SENP6: variants seen among roughly 807,000 people sequenced by gnomAD.
The protein encoded by SENP6 is SUMO specific peptidase 6.
In SENP6, 41 loss-of-function variants were observed where a neutral mutation model predicts 134.5. The observed-to-expected ratio is 0.30, with a 90% confidence interval of 0.24 to 0.40. SENP6 has a LOEUF of 0.40. SENP6 is among the 10% of genes least tolerant of loss of function. The pLI, the probability that SENP6 is intolerant of heterozygous loss-of-function variation, is 1.00. For synonymous variants in SENP6, 395 were observed against 429.8 expected (o/e 0.92, Z 1.00); for missense variants, 1,248 against 1,312.5 (o/e 0.95, Z 0.76).
At chr6:75,633,753 A>G (rs925670593) in intron 4 of SENP6, 27 bp downstream of exon 4, 1 of 1,565,478 alleles carries the variant, frequency 6.4e-7, no homozygotes, top group African/African-American at 1.4e-5. Context: ...ACACATTCCT[A>G]CAGAAAAGAT....
At chr6:75,635,313 A>ATT (rs1209595895) in intron 5 of SENP6, among the ~76,000 whole-genome samples, 1 of 152,178 alleles carries the variant, frequency 6.6e-6, no homozygotes, top group Admixed American at 6.6e-5. Context: ...TAATGAAAGT[A>ATT]ACATTTAGGG....
chr6:75,709,435 C>G, intron 19 of SENP6, 92 bp from the exon 20 acceptor site: 1 of 773,924 alleles, frequency 1.3e-6, no homozygotes, highest in Non-Finnish European at 2.1e-6. Context: ...ACTACTGTAT[C>G]ATTAATTAAC....
chr6:75,678,931 A>G lies in SENP6; in HGVS notation c.2075+4A>G. ...TTATTATAGACTTTTATTTGAAGTA[A>G]GTTAATTTTCCACTGATCTTTTATT... On this transcript the variant is annotated splice_donor_region_variant and intron_variant, in intron 16 of 23. Coordinates refer to ENST00000447266, the MANE Select transcript of SENP6 (RefSeq NM_015571.4). The G allele has an allele frequency of 7.8e-7, 1 of 1,286,746 alleles. No homozygotes were observed. Among genetic ancestry groups the G allele is most frequent in the Non-Finnish European group, 1.1e-6 (1 of 892,934 alleles). 79.7% of individuals were successfully genotyped at this position (1,286,746 alleles called of 1,614,324 possible).
At chr6:75,629,504 T>C (rs1204315045) in intron 3 of SENP6, among the ~76,000 whole-genome samples, 1 of 152,030 alleles carries the variant, frequency 6.6e-6, no homozygotes, top group East Asian at 1.9e-4. Context: ...TTCACCATGG[T>C]GGCCAGGCTG....
chr6:75,619,056 G>T, intron 1 of SENP6, among the ~76,000 whole-genome samples: 3 of 144,504 alleles, frequency 2.1e-5, no homozygotes. Context: ...TTTTTATTGT[G>T]GTATAATATA....
intron 14 of SENP6, 184 bp from the exon 15 acceptor site, chr6:75,678,399 A>C (rs1773236614): frequency 3.9e-6 from 2 of 518,556 alleles, no homozygotes; most frequent in East Asian, 7.1e-5. Flanking sequence ...GAAGCTACAG[A>C]TAATAAGAAA....
At position 75,634,883 on chromosome 6, in the gene SENP6, C is replaced by G. The variant is rs559499945; in HGVS notation, c.458+72C>G. The G allele has an allele frequency of 1.8e-5, 17 of 968,828 alleles. No homozygotes were observed. In the South Asian group the frequency reaches 2.3e-4, roughly 13 times the overall value. The allele number at this position is 968,828 out of a possible 1,614,324, so 60.0% of individuals were successfully genotyped here. A position where few individuals can be genotyped will look rare whatever the true frequency, so the allele number is the denominator to read the frequency against. ...TCAATAGGTTTTCACTTTTTTTAAC[C>G]ATTTTTTTCCTTTGTGAAACCTTAC... On this transcript the variant is annotated intron_variant, in intron 5 of 23. Transcript: ENST00000447266.
chr6:75,694,963 C>CTCAT (rs1244733837), intron 16 of SENP6, among the ~76,000 whole-genome samples: 1 of 151,896 alleles, frequency 6.6e-6, no homozygotes, highest in African/African-American at 2.4e-5. Context: ...CAACCTCTGC[C>CTCAT]TCATAGGTTC....
rs1461999654 is a variant in SENP6 at position 75,602,620 on chromosome 6, T to G, written c.52+44T>G. 5.2e-6 allele frequency: 8 copies of G among 1,535,524 alleles called. No homozygotes were observed. In the African/African-American group the frequency reaches 1.1e-4, roughly 21 times the overall value. On this transcript the variant is annotated intron_variant, in intron 1 of 23. Transcript: ENST00000447266. ...TTGACGGGGAGAAGGGAGGGTATAC[T>G]GGAAAACGTGGCCCCCAGAACCCCG...
intron 1 of SENP6, among the ~76,000 whole-genome samples, chr6:75,610,415 C>T (rs1172632298): frequency 6.6e-6 from 1 of 152,112 alleles, no homozygotes; most frequent in East Asian, 1.9e-4. Flanking sequence ...AATGGATAAT[C>T]CATTATTGTG....
chr6:75,675,496 C>G (rs1473798299), intron 12 of SENP6, 28 bp downstream of exon 12: 1 of 1,365,390 alleles, frequency 7.3e-7, no homozygotes, highest in Non-Finnish European at 1.0e-6. Flanking sequence ...TTTTTACTTA[C>G]CAAAGCTTTC....
intron 5 of SENP6, 117 bp from the exon 6 acceptor site, chr6:75,640,567 T>TA: frequency 2.3e-6 from 1 of 443,984 alleles, no homozygotes; most frequent in Non-Finnish European, 4.0e-6. Context: ...ATAATGTATT[T>TA]AAAACAAGTT....
At chr6:75,675,342 T>C in intron 11 of SENP6, 93 bp from the exon 12 acceptor site, 1 of 705,626 alleles carries the variant, frequency 1.4e-6, no homozygotes, top group Admixed American at 3.0e-5. Context: ...GATAAACGAG[T>C]AATATAAGAA....
rs71561434 is a variant in SENP6, at chr6:75,602,002, C to T, written c.-523C>T. The T allele has an allele frequency of 0.095, 14,674 of 153,900 alleles. 739 individuals are homozygous for T. The highest frequency in any genetic ancestry group is 0.11 in the Non-Finnish European group (7,305 of 69,256). 9.5% of individuals were successfully genotyped at this position (153,900 alleles called of 1,614,324 possible). On this transcript the variant is annotated 5_prime_UTR_variant, in exon 1 of 24. Transcript: ENST00000447266. ...TGCATTCACGCCTGGGCGGGGTGGG[C>T]GGACGGCCGTAGCGGCGGCGGCTGC...
intron 16 of SENP6, among the ~76,000 whole-genome samples, chr6:75,685,004 T>C (rs1385401743): frequency 2.0e-5 from 3 of 152,190 alleles, no homozygotes; most frequent in African/African-American, 7.2e-5. Context: ...TCTGGTAGAA[T>C]TAGGCTGTGA....
chr6:75,707,015 T>G (rs1775444486), intron 19 of SENP6, among the ~76,000 whole-genome samples: 1 of 150,536 alleles, frequency 6.6e-6, no homozygotes, highest in Non-Finnish European at 1.5e-5. Context: ...TGACACTGAT[T>G]GAGAGAACCA....
intron 1 of SENP6, among the ~76,000 whole-genome samples, chr6:75,606,618 G>A (rs569143558): frequency 3.3e-5 from 5 of 152,116 alleles, no homozygotes; most frequent in Admixed American, 6.6e-5. Context: ...GCAATCAGTG[G>A]TGGATTGTTT....
chr6:75,689,183 G>A (rs1426737238), intron 16 of SENP6, among the ~76,000 whole-genome samples: 1 of 152,176 alleles, frequency 6.6e-6, no homozygotes, highest in Non-Finnish European at 1.5e-5. Flanking sequence ...GGTGAGCTAT[G>A]ATTACACACC....
chr6:75,648,232 A>G (rs978317167), intron 7 of SENP6, among the ~76,000 whole-genome samples: 7 of 152,216 alleles, frequency 4.6e-5, no homozygotes, highest in Non-Finnish European at 1.0e-4. Context: ...TAGATACTGG[A>G]AAATCATGGT....
Sources: allele counts gnomAD v4.1 joint callset (sites outside exome capture counted in the v4.1 genomes callset), GRCh38; gene constraint gnomAD v4.1.1; transcripts MANE v1.5; gene names NCBI Gene and HGNC (gene_info 2026-07-23, HGNC 2026-07-21).